AFG2A: variants seen among roughly 807,000 people sequenced by gnomAD.
The protein encoded by AFG2A is ATPase family gene 2 protein homolog A.
At chr4:123,187,939 A>C in the AFG2A span, among the ~76,000 whole-genome samples, 17 of 151,738 alleles carry the variant, frequency 1.1e-4, no homozygotes, top group South Asian at 1.0e-3. Context: ...TTGAGGCTGC[A>C]GTGAGCCATG....
the AFG2A span, among the ~76,000 whole-genome samples, chr4:123,249,784 A>C: frequency 6.6e-6 from 1 of 152,186 alleles, no homozygotes; most frequent in Non-Finnish European, 1.5e-5. Flanking sequence ...CACAATAAAG[A>C]AGAATGGGTA....
chr4:123,193,519 C>T, the AFG2A span, among the ~76,000 whole-genome samples: 1 of 152,152 alleles, frequency 6.6e-6, no homozygotes, highest in South Asian at 2.1e-4. Context: ...TTTTAAAGCA[C>T]TATAGACAAA....
the AFG2A span, among the ~76,000 whole-genome samples, chr4:123,079,915 A>G: frequency 6.6e-6 from 1 of 151,378 alleles, no homozygotes; most frequent in African/African-American, 2.4e-5. Context: ...ACACCCGGCT[A>G]ATTTTTTGTA....
At chr4:122,945,235 C>T in the AFG2A span, among the ~76,000 whole-genome samples, 2 of 152,206 alleles carry the variant, frequency 1.3e-5, no homozygotes, top group Non-Finnish European at 2.9e-5. Context: ...TGCCCTGCCC[C>T]CAGAGGTGGA....
the AFG2A span, chr4:122,979,178 G>A: frequency 6.3e-7 from 1 of 1,575,762 alleles, no homozygotes; most frequent in African/African-American, 1.4e-5. Flanking sequence ...CATCAATTCA[G>A]TCTGTATTTA....
At chr4:123,132,597 C>CATATATATATATATATATAT in the AFG2A span, among the ~76,000 whole-genome samples, 175 of 140,376 alleles carry the variant, frequency 1.2e-3, 1 homozygote, top group African/African-American at 4.1e-3. Flanking sequence ...GATGTGTGTA[C>CATATATATATATATATATAT]ATATATATAT....
At chr4:123,165,296 T>A in the AFG2A span, among the ~76,000 whole-genome samples, 1 of 152,168 alleles carries the variant, frequency 6.6e-6, no homozygotes, top group East Asian at 1.9e-4. Context: ...TACTACATTA[T>A]GGTGGAGGTT....
At chr4:123,231,672 A>G in the AFG2A span, among the ~76,000 whole-genome samples, 1 of 152,000 alleles carries the variant, frequency 6.6e-6, no homozygotes, top group African/African-American at 2.4e-5. Context: ...TCAGTTTTCA[A>G]TGCACCTGCT....
At chr4:123,069,118 A>G in the AFG2A span, among the ~76,000 whole-genome samples, 2 of 152,204 alleles carry the variant, frequency 1.3e-5, no homozygotes, top group Admixed American at 6.5e-5. Flanking sequence ...TCTTTTTAAT[A>G]TAGCTGTTAG....
At chr4:123,024,057 C>G in the AFG2A span, among the ~76,000 whole-genome samples, 2 of 151,644 alleles carry the variant, frequency 1.3e-5, no homozygotes, top group African/African-American at 4.8e-5. Flanking sequence ...TGACAGTACT[C>G]ATTTATCACT....
At chr4:123,299,119 G>A in the AFG2A span, among the ~76,000 whole-genome samples, 106 of 124,064 alleles carry the variant, frequency 8.5e-4, no homozygotes, top group Non-Finnish European at 1.4e-3. Flanking sequence ...ATCTGCCAAT[G>A]TGTGTGTGTG....
the AFG2A span, among the ~76,000 whole-genome samples, chr4:123,103,450 ATAC>A: frequency 1.3e-5 from 2 of 152,062 alleles, no homozygotes; most frequent in African/African-American, 4.8e-5. Flanking sequence ...ATTTTACACA[ATAC>A]TAGTGCATTC....
chr4:123,134,698 A>G, the AFG2A span, among the ~76,000 whole-genome samples: 2 of 151,972 alleles, frequency 1.3e-5, no homozygotes, highest in Non-Finnish European at 2.9e-5. Context: ...ATTTAACATA[A>G]CAAAACTGAA....
the AFG2A span, among the ~76,000 whole-genome samples, chr4:123,200,687 G>A: frequency 6.6e-6 from 1 of 152,152 alleles, no homozygotes; most frequent in South Asian, 2.1e-4. Context: ...TAAAGTGCTT[G>A]TCCAAGCTTG....
chr4:123,175,608 T>C, the AFG2A span, among the ~76,000 whole-genome samples: 1 of 152,196 alleles, frequency 6.6e-6, no homozygotes, highest in Non-Finnish European at 1.5e-5. Context: ...GTAAATATGT[T>C]TATAACTTGT....
At chr4:123,313,134 T>C in the AFG2A span, among the ~76,000 whole-genome samples, 2 of 152,234 alleles carry the variant, frequency 1.3e-5, no homozygotes, top group African/African-American at 2.4e-5. Flanking sequence ...TCCAGAGAGC[T>C]TAAAAACACA....
At chr4:123,085,209 T>C in the AFG2A span, among the ~76,000 whole-genome samples, 1 of 152,320 alleles carries the variant, frequency 6.6e-6, no homozygotes, top group African/African-American at 2.4e-5. Context: ...AGTGTGTAGA[T>C]ATAAGTTATA....
chr4:122,955,622 A>G, the AFG2A span, among the ~76,000 whole-genome samples: 1 of 149,278 alleles, frequency 6.7e-6, no homozygotes, highest in Non-Finnish European at 1.5e-5. Context: ...AAGAGGCTCA[A>G]GAAGGAAAAA....
At chr4:123,090,439 A>G in the AFG2A span, 2 of 898,112 alleles carry the variant, frequency 2.2e-6, no homozygotes, top group Admixed American at 3.1e-5. Context: ...AATGCAGTAA[A>G]TAAAGTCTCA....
Sources: gnomAD v4.1 joint callset for allele counts (sites outside exome capture counted in the v4.1 genomes callset) on GRCh38, gnomAD v4.1.1 for gene constraint, MANE v1.5 for transcripts, NCBI Gene and HGNC (gene_info 2026-07-23, HGNC 2026-07-21) for gene names.